Variants in GULP1 observed in about 807,000 individuals in gnomAD.
GULP1 encodes GULP PTB domain containing engulfment adaptor 1.
In GULP1, 19 loss-of-function variants were observed where a neutral mutation model predicts 40.9. The ratio of observed to expected loss-of-function variants is 0.46; its 90% confidence interval spans 0.32 to 0.68. GULP1 has a LOEUF of 0.68. Ranked by LOEUF, GULP1 falls within the 30% of genes least tolerant of loss-of-function variation. GULP1 has a pLI of 0.03. For synonymous variants in GULP1, 119 were observed against 117.6 expected, an observed-to-expected ratio of 1.01 and a Z score of -0.08; for missense variants, 312 against 362.2, an observed-to-expected ratio of 0.86 and a Z score of 1.12.
At chr2:188,491,678 C>G (rs977500010) in intron 4 of GULP1, 6 of 152,072 alleles carry the variant, frequency 3.9e-5, no homozygotes, top group African/African-American at 1.4e-4. Flanking sequence ...CCAGCACACT[C>G]TAGAGACACT....
chr2:188,399,774 A>C (rs2152625454), intron 2 of GULP1, among the ~76,000 whole-genome samples: 1 of 151,308 alleles, frequency 6.6e-6, no homozygotes, highest in Admixed American at 6.6e-5. Flanking sequence ...TAAAGTGAGT[A>C]TAGGTGAAAT....
intron 1 of GULP1, among the ~76,000 whole-genome samples, chr2:188,375,014 T>C (rs893885666): frequency 6.6e-6 from 1 of 152,190 alleles, no homozygotes; most frequent in Admixed American, 6.5e-5. Context: ...AAATGTTCGA[T>C]TGCTGAAGAA....
chr2:188,560,167 T>G (rs531516550), intron 7 of GULP1, among the ~76,000 whole-genome samples: 1 of 152,228 alleles, frequency 6.6e-6, no homozygotes, highest in Non-Finnish European at 1.5e-5. Context: ...ATTTCTTTGC[T>G]TATGCATATG....
At chr2:188,359,954 A>G (rs548800027) in intron 1 of GULP1, among the ~76,000 whole-genome samples, 115 of 152,226 alleles carry the variant, frequency 7.6e-4, no homozygotes, top group Admixed American at 1.5e-3. Flanking sequence ...GAGACTGGGG[A>G]CTAGCTAAAT....
At chr2:188,386,896 A>G (rs377356645) in intron 2 of GULP1, among the ~76,000 whole-genome samples, 36 of 152,306 alleles carry the variant, frequency 2.4e-4, no homozygotes, top group African/African-American at 7.5e-4. Context: ...TCTTTCTCAC[A>G]TCTATTCAGC....
chr2:188,403,780 A>G (rs1214513349), intron 2 of GULP1, among the ~76,000 whole-genome samples: 1 of 152,200 alleles, frequency 6.6e-6, no homozygotes, highest in African/African-American at 2.4e-5. Flanking sequence ...CAGTGAGCCC[A>G]GGGAGAAGTA....
intron 2 of GULP1, among the ~76,000 whole-genome samples, chr2:188,436,359 G>T (rs761377961): frequency 5.3e-5 from 8 of 152,022 alleles, no homozygotes; most frequent in Non-Finnish European, 1.2e-4. Context: ...TTAATAGGAA[G>T]TAATACAATA....
intron 6 of GULP1, among the ~76,000 whole-genome samples, chr2:188,532,015 T>C (rs566142478): frequency 4.6e-5 from 7 of 152,194 alleles, no homozygotes; most frequent in Non-Finnish European, 1.0e-4. Flanking sequence ...TGTGTGTGTA[T>C]GTGTAATTAA....
intron 7 of GULP1, among the ~76,000 whole-genome samples, chr2:188,552,776 A>T (rs1245379664): frequency 6.6e-6 from 1 of 151,376 alleles, no homozygotes; most frequent in Non-Finnish European, 1.5e-5. Context: ...TGTTTGTGTC[A>T]TTGACTATTT....
chr2:188,534,735 T>C (rs557396488), intron 6 of GULP1, among the ~76,000 whole-genome samples: 33 of 152,178 alleles, frequency 2.2e-4, no homozygotes, highest in African/African-American at 7.5e-4. Flanking sequence ...CTACTATTTT[T>C]ATTGCGGAAA....
chr2:188,537,780 G>A (rs940686732), intron 6 of GULP1, among the ~76,000 whole-genome samples: 3 of 151,946 alleles, frequency 2.0e-5, no homozygotes, highest in Admixed American at 1.3e-4. Flanking sequence ...TTCTTTGTAG[G>A]TATAGTAGAA....
chr2:188,313,946 CCTAA>C (rs1370639180), intron 1 of GULP1, among the ~76,000 whole-genome samples: 6 of 151,148 alleles, frequency 4.0e-5, no homozygotes, highest in South Asian at 2.1e-4. Context: ...AGGGAAAATG[CCTAA>C]CTAAGGCTTT....
chr2:188,317,205 C>T (rs995441193), intron 1 of GULP1, among the ~76,000 whole-genome samples: 8 of 152,112 alleles, frequency 5.3e-5, no homozygotes, highest in African/African-American at 1.4e-4. Context: ...GAAGGAATTA[C>T]GTAATTTTTC....
chr2:188,414,592 G>T (rs770730638), intron 2 of GULP1, among the ~76,000 whole-genome samples: 1 of 152,148 alleles, frequency 6.6e-6, no homozygotes, highest in Non-Finnish European at 1.5e-5. Context: ...GTGCTCAAAA[G>T]AATGCCGAAG....
chr2:188,311,770 ATATT>A (rs2038163185), intron 1 of GULP1, among the ~76,000 whole-genome samples: 1 of 147,998 alleles, frequency 6.8e-6, no homozygotes, highest in South Asian at 2.1e-4. Context: ...TAAAATATAA[ATATT>A]TAAATACAAT....
At chr2:188,534,250 T>C (rs758529919) in intron 6 of GULP1, among the ~76,000 whole-genome samples, 8 of 152,130 alleles carry the variant, frequency 5.3e-5, no homozygotes, top group Non-Finnish European at 8.8e-5. Context: ...TGCCTCTCAA[T>C]GGTGGATTGG....
intron 6 of GULP1, among the ~76,000 whole-genome samples, chr2:188,535,586 G>A (rs916115300): frequency 7.2e-5 from 11 of 151,848 alleles, no homozygotes; most frequent in Admixed American, 1.3e-4. Flanking sequence ...CCAATCTACC[G>A]TTAATGGGCA....
intron 2 of GULP1, among the ~76,000 whole-genome samples, chr2:188,393,108 G>C (rs2050745358): frequency 6.6e-6 from 1 of 151,750 alleles, no homozygotes; most frequent in African/African-American, 2.4e-5. Flanking sequence ...TTGTTCTAGA[G>C]TATAGCTTAA....
chr2:188,345,997 A>G (rs1339056586), intron 1 of GULP1, among the ~76,000 whole-genome samples: 1 of 152,246 alleles, frequency 6.6e-6, no homozygotes, highest in Non-Finnish European at 1.5e-5. Flanking sequence ...CAAAATGTGA[A>G]TAGGGATCAT....
Sources: gnomAD v4.1 joint callset for allele counts (sites outside exome capture counted in the v4.1 genomes callset) on GRCh38, gnomAD v4.1.1 for gene constraint, MANE v1.5 for transcripts, NCBI Gene and HGNC (gene_info 2026-07-23, HGNC 2026-07-21) for gene names.